Variants in CPPED1 observed in about 807,000 individuals in gnomAD.
CPPED1 encodes serine/threonine-protein phosphatase CPPED1.
In CPPED1, 28 loss-of-function variants were observed where a neutral mutation model predicts 28.0. The observed-to-expected ratio is 1.00, with a 90% CI of 0.74 to 1.37. The LOEUF (loss-of-function observed/expected upper bound fraction) is 1.37. CPPED1 is among the 40% of genes most tolerant of loss of function. The pLI is 0.00. For synonymous variants in CPPED1, 198 were observed against 180.2 expected, an observed-to-expected ratio of 1.10 and a Z score of -0.79; for missense variants, 504 against 416.5, an observed-to-expected ratio of 1.21 and a Z score of -1.83.
chr16:12,800,986 G>A (rs2141249138), intron 1 of CPPED1, among the ~76,000 whole-genome samples: 1 of 152,296 alleles, frequency 6.6e-6, no homozygotes, highest in South Asian at 2.1e-4. Flanking sequence ...ATTATTACAA[G>A]CCTCTGAGAG....
At chr16:12,723,413 AGTTAAAGTGAGGTC>A (rs1300910965) in intron 2 of CPPED1, among the ~76,000 whole-genome samples, 1 of 152,192 alleles carries the variant, frequency 6.6e-6, no homozygotes, top group Admixed American at 6.5e-5. Flanking sequence ...AAGGTAAGTA[AGTTAAAGTGAGGTC>A]GTTAGGGTGA....
intron 1 of CPPED1, among the ~76,000 whole-genome samples, chr16:12,797,280 G>A (rs967426056): frequency 6.6e-6 from 1 of 152,190 alleles, no homozygotes; most frequent in African/African-American, 2.4e-5. Flanking sequence ...GCCAGGTGCG[G>A]TGGCTCATGC....
chr16:12,667,135 A>G (rs973927792), intron 3 of CPPED1, among the ~76,000 whole-genome samples: 5 of 152,158 alleles, frequency 3.3e-5, no homozygotes, highest in Middle Eastern at 3.2e-3. Context: ...AAAACAAAAA[A>G]CAAAAAAAAC....
intron 2 of CPPED1, among the ~76,000 whole-genome samples, chr16:12,713,749 T>G (rs2080092373): frequency 6.6e-6 from 1 of 152,150 alleles, no homozygotes; most frequent in African/African-American, 2.4e-5. Flanking sequence ...GACCCAAAAT[T>G]AGACTTTTTC....
intron 2 of CPPED1, among the ~76,000 whole-genome samples, chr16:12,719,898 T>C (rs949232901): frequency 2.6e-5 from 4 of 151,856 alleles, no homozygotes; most frequent in African/African-American, 9.7e-5. Flanking sequence ...ATCATGCCAC[T>C]GTACTCCAGC....
intron 2 of CPPED1, chr16:12,760,701 G>A (rs1376107419): frequency 1.3e-5 from 2 of 152,150 alleles, no homozygotes; most frequent in African/African-American, 4.8e-5. Context: ...CAGGGACTCT[G>A]GGGACAGTTT....
chr16:12,748,477 G>A (rs1248158772), intron 2 of CPPED1, among the ~76,000 whole-genome samples: 1 of 152,228 alleles, frequency 6.6e-6, no homozygotes, highest in Non-Finnish European at 1.5e-5. Flanking sequence ...CAGAGATATT[G>A]CAGATTCAGT....
intron 3 of CPPED1, among the ~76,000 whole-genome samples, chr16:12,695,094 A>T (rs2079983161): frequency 6.6e-6 from 1 of 152,118 alleles, no homozygotes; most frequent in Admixed American, 6.5e-5. Context: ...TTTCATTTTA[A>T]ATGGGAGGGC....
intron 3 of CPPED1, among the ~76,000 whole-genome samples, chr16:12,688,836 A>T (rs1389143748): frequency 6.6e-6 from 1 of 152,248 alleles, no homozygotes; most frequent in East Asian, 1.9e-4. Context: ...AACACTAAGC[A>T]AAATACCTGA....
intron 1 of CPPED1, among the ~76,000 whole-genome samples, chr16:12,786,384 A>T (rs1399106625): frequency 6.6e-6 from 1 of 150,912 alleles, no homozygotes; most frequent in East Asian, 2.0e-4. Context: ...ACAGAAGCAC[A>T]GTGACTTTCG....
intron 2 of CPPED1, among the ~76,000 whole-genome samples, chr16:12,755,214 T>C (rs2080357507): frequency 6.6e-6 from 1 of 151,976 alleles, no homozygotes. Flanking sequence ...AGCATACCAG[T>C]GATGCTCATG....
chr16:12,697,407 A>C (rs1333612432), intron 3 of CPPED1, among the ~76,000 whole-genome samples: 3 of 151,670 alleles, frequency 2.0e-5, no homozygotes, highest in Non-Finnish European at 4.4e-5. Context: ...CTTCAGGGGA[A>C]CATGTGCCTC....
chr16:12,674,318 T>C (rs754829123), intron 3 of CPPED1, among the ~76,000 whole-genome samples: 2 of 152,146 alleles, frequency 1.3e-5, no homozygotes, highest in Non-Finnish European at 2.9e-5. Context: ...TTCAAGGCTC[T>C]GGCATGTTCC....
intron 2 of CPPED1, among the ~76,000 whole-genome samples, chr16:12,707,506 G>A (rs2080057734): frequency 1.3e-5 from 2 of 152,136 alleles, no homozygotes; most frequent in Admixed American, 6.6e-5. Context: ...GACACAGGAT[G>A]AGGACTTTAT....
intron 3 of CPPED1, among the ~76,000 whole-genome samples, chr16:12,665,702 G>A (rs1483843759): frequency 6.6e-6 from 1 of 152,120 alleles, no homozygotes; most frequent in Non-Finnish European, 1.5e-5. Flanking sequence ...GGCCAAGGTG[G>A]GTGGATCACA....
intron 3 of CPPED1, among the ~76,000 whole-genome samples, chr16:12,676,391 G>A (rs751674654): frequency 6.6e-6 from 1 of 152,168 alleles, no homozygotes; most frequent in African/African-American, 2.4e-5. Flanking sequence ...ACATCACTCA[G>A]CAGCGTTTTA....
In CPPED1 at chr16:12,748,008, C is replaced by CT. The variant is rs766573383; in HGVS notation, c.289+33176_289+33177insA. Among the ~76,000 whole-genome samples the CT allele has an allele frequency of 5.5e-4, 83 of 152,270 alleles. 1 individual carries two copies. Among genetic ancestry groups the CT allele is most frequent in the Non-Finnish European group, 1.0e-3 (69 of 68,030 alleles). ...TTAGAAGCCCAACAACTGAAAGTGT[C>CT]GGTGAGGAAACAGCCAGTGGACATT... On this transcript the variant is annotated intron_variant, in intron 2 of 3. Transcript: ENST00000381774.
intron 2 of CPPED1, among the ~76,000 whole-genome samples, chr16:12,745,646 G>C (rs911867329): frequency 6.6e-6 from 1 of 152,196 alleles, no homozygotes; most frequent in Non-Finnish European, 1.5e-5. Context: ...TACAAAGAAG[G>C]AAACAACAGA....
chr16:12,714,648 T>G (rs1033429198), intron 2 of CPPED1, among the ~76,000 whole-genome samples: 3 of 152,248 alleles, frequency 2.0e-5, no homozygotes, highest in African/African-American at 7.2e-5. Flanking sequence ...TGTCTTTTCA[T>G]TATTAATATT....
Sources: gnomAD v4.1 joint callset for allele counts (sites outside exome capture counted in the v4.1 genomes callset) on GRCh38, gnomAD v4.1.1 for gene constraint, MANE v1.5 for transcripts, NCBI Gene and HGNC (gene_info 2026-07-23, HGNC 2026-07-21) for gene names.